Variants in MET observed in about 807,000 individuals in gnomAD.
The protein encoded by MET is hepatocyte growth factor receptor.
MET carries 48 observed loss-of-function variants against 133.1 expected under a neutral mutation model. That is an observed-to-expected ratio of 0.36 (90% CI 0.29 to 0.46). The LOEUF is 0.46. MET is among the 20% of genes least tolerant of loss of function. The pLI is 1.00. For missense variants in MET, 1,442 were observed against 1,695.9 expected (o/e 0.85, Z 2.63); for synonymous variants, 628 against 616.5 (o/e 1.02, Z -0.28).
At chr7:116,694,719 G>A (rs1019956192) in intron 1 of MET, among the ~76,000 whole-genome samples, 7 of 151,750 alleles carry the variant, frequency 4.6e-5, no homozygotes, top group East Asian at 1.9e-4. Context: ...ATGGAGTCTC[G>A]CTCTGTCATC....
intron 5 of MET, among the ~76,000 whole-genome samples, chr7:116,754,915 GAAAGAAAGAAAGA>G (rs1429219082): frequency 1.4e-5 from 2 of 139,372 alleles, no homozygotes; most frequent in Non-Finnish European, 3.1e-5. Context: ...AAGAAAGAAA[GAAAGAAAGAAAGA>G]AAGAAAGAAA....
chr7:116,765,352 T>A (rs1374252907), intron 11 of MET, among the ~76,000 whole-genome samples: 1 of 151,450 alleles, frequency 6.6e-6, no homozygotes, highest in Non-Finnish European at 1.5e-5. Context: ...GAATCATGTG[T>A]TTAGAATGAG....
At chr7:116,788,789 A>G (rs1395060625) in intron 19 of MET, among the ~76,000 whole-genome samples, 2 of 152,236 alleles carry the variant, frequency 1.3e-5, no homozygotes, top group Non-Finnish European at 2.9e-5. Flanking sequence ...GTGTATGTTG[A>G]AACCTGCGAC....
chr7:116,750,935 G>A (rs1793895048), intron 5 of MET, among the ~76,000 whole-genome samples: 1 of 152,222 alleles, frequency 6.6e-6, no homozygotes, highest in Non-Finnish European at 1.5e-5. Context: ...GTGCTGGAGA[G>A]GATGTGGAGA....
Position 116,795,874 on chromosome 7 carries a change from C to G in MET, c.3936-13C>G. On this transcript the variant is annotated splice_polypyrimidine_tract_variant and intron_variant, in intron 20 of 20. Coordinates refer to ENST00000397752, the MANE Select transcript of MET (RefSeq NM_000245.4). ...AAAGGGTCTCTTACAGCATGTCTTTCTTTTTGGAACAGATATGAAGTAATG... is the reference window on the plus strand; with the variant it reads ...AAAGGGTCTCTTACAGCATGTCTTTGTTTTTGGAACAGATATGAAGTAATG... 1.2e-6 allele frequency: 2 copies of G among 1,613,896 alleles called. No individual in the cohort carries two copies. Among genetic ancestry groups the G allele is most frequent in the Non-Finnish European group, 1.7e-6 (2 of 1,179,770 alleles).
intron 2 of MET, among the ~76,000 whole-genome samples, chr7:116,728,205 A>G (rs1173853702): frequency 2.0e-5 from 3 of 152,216 alleles, no homozygotes; most frequent in African/African-American, 4.8e-5. Context: ...TGAACCTGAC[A>G]TATTTATTTT....
At chr7:116,724,323 C>T (rs949295930) in intron 2 of MET, 11 of 175,826 alleles carry the variant, frequency 6.3e-5, no homozygotes, top group Admixed American at 1.1e-4. Context: ...CGCCCTGCTT[C>T]GGCTCGCGCA....
At chr7:116,758,233 G>GT (rs200147795) in intron 8 of MET, among the ~76,000 whole-genome samples, 30 of 150,816 alleles carry the variant, frequency 2.0e-4, no homozygotes, top group East Asian at 9.7e-4. Flanking sequence ...TACTTTAAAG[G>GT]TTTTTTTTTC....
Position 116,755,401 on chromosome 7 carries a change from T to C in MET, c.1748T>C (p.Ile583Thr), listed in dbSNP as rs2116909340. Reference protein sequence around the residue: ...APLEGGTRLTICGWDFGFRRN... With the variant: ...APLEGGTRLTTCGWDFGFRRN... ...CTTGAAGGAGGGACAAGGCTGACCA[T>C]ATGTGGCTGGGACTTTGGATTTCGG... Residue 583 changes from isoleucine (I) to threonine (T), a missense_variant, in exon 6 of 21, where the codon ATA (isoleucine) becomes ACA (threonine). Coordinates refer to ENST00000397752, the MANE Select transcript of MET (RefSeq NM_000245.4). 1 of 1,614,130 alleles carries C rather than the reference T, an allele frequency of 6.2e-7. No homozygotes were observed. Among genetic ancestry groups the C allele is most frequent in the East Asian group, 2.2e-5 (1 of 44,870 alleles).
rs141999552 is a variant in MET at position 116,734,974 on chromosome 7, C to T, written c.1392+3115C>T. On this transcript the variant is annotated intron_variant, in intron 3 of 20. Transcript: ENST00000397752. ...AGCACTTGTATAAGGCTTTTAATCT[C>T]TAAATGCAAAGCATTGCTATTAAAA... 3.8e-3 allele frequency among the ~76,000 whole-genome samples: 586 copies of T among 152,304 alleles called. 2 individuals are homozygous for T. The highest frequency in any genetic ancestry group is 0.013 in the African/African-American group (553 of 41,560).
intron 19 of MET, among the ~76,000 whole-genome samples, chr7:116,789,064 T>C (rs562825473): frequency 6.6e-6 from 1 of 152,352 alleles, no homozygotes; most frequent in South Asian, 2.1e-4. Context: ...CTTTCTGAAG[T>C]GTTTAACATT....
intron 2 of MET, among the ~76,000 whole-genome samples, chr7:116,728,451 G>A (rs896473526): frequency 1.3e-5 from 2 of 152,076 alleles, no homozygotes; most frequent in African/African-American, 2.4e-5. Context: ...CTACATTTAC[G>A]CCTTACATGT....
chr7:116,746,706 C>T (rs1793702866), intron 5 of MET, among the ~76,000 whole-genome samples: 1 of 149,146 alleles, frequency 6.7e-6, no homozygotes, highest in Non-Finnish European at 1.5e-5. Context: ...CGCATGTTCT[C>T]ACTCATAGGT....
At chr7:116,713,400 A>C (rs1792078161) in intron 2 of MET, among the ~76,000 whole-genome samples, 1 of 152,062 alleles carries the variant, frequency 6.6e-6, no homozygotes, top group South Asian at 2.1e-4. Flanking sequence ...GTCTCAAAAA[A>C]AAAAAAAAAA....
At chr7:116,692,262 A>G (rs143345613) in intron 1 of MET, among the ~76,000 whole-genome samples, 68 of 152,296 alleles carry the variant, frequency 4.5e-4, no homozygotes, top group African/African-American at 1.6e-3. Flanking sequence ...GGAGCTGACC[A>G]TATCTATTTA....
intron 12 of MET, among the ~76,000 whole-genome samples, chr7:116,770,430 A>G (rs1169862200): frequency 6.6e-6 from 1 of 152,136 alleles, no homozygotes; most frequent in East Asian, 1.9e-4. Flanking sequence ...ACATAATGTA[A>G]TGTTTGCCAT....
chr7:116,695,419 T>C (rs937991681), intron 1 of MET, among the ~76,000 whole-genome samples: 2 of 152,238 alleles, frequency 1.3e-5, no homozygotes, highest in Admixed American at 1.3e-4. Context: ...ATACTCTATA[T>C]TGATCAAAGT....
intron 2 of MET, among the ~76,000 whole-genome samples, chr7:116,723,742 G>C (rs1016390434): frequency 1.3e-5 from 2 of 152,086 alleles, no homozygotes; most frequent in African/African-American, 4.8e-5. Context: ...GTACCCTGCC[G>C]TGTGAGGTGT....
chr7:116,687,018 C>A (rs1019193356), intron 1 of MET, among the ~76,000 whole-genome samples: 1 of 152,228 alleles, frequency 6.6e-6, no homozygotes, highest in Non-Finnish European at 1.5e-5. Flanking sequence ...ATGCGCACAC[C>A]TTTACAGCAC....
Sources: allele counts gnomAD v4.1 joint callset (sites outside exome capture counted in the v4.1 genomes callset), GRCh38; gene constraint gnomAD v4.1.1; transcripts MANE v1.5; gene names NCBI Gene and HGNC (gene_info 2026-07-23, HGNC 2026-07-21).